The following DAP3 variants were observed in gnomAD, a reference collection of about 807,000 sequenced individuals.
DAP3 encodes the protein small ribosomal subunit protein mS29.
Under a neutral mutation model 51.9 loss-of-function variants are expected in DAP3, and 28 were observed. The observed-to-expected ratio is 0.54, with a 90% CI of 0.40 to 0.74. The LOEUF is 0.74. DAP3 is among the 30% of genes least tolerant of loss of function. The pLI is 0.00. For synonymous variants in DAP3, 170 were observed against 170.3 expected, an observed-to-expected ratio of 1.00 and a Z score of 0.01; for missense variants, 458 against 483.5, an observed-to-expected ratio of 0.95 and a Z score of 0.49.
chr1:155,706,814 C>T (rs528910523), intron 1 of DAP3, among the ~76,000 whole-genome samples: 15 of 151,162 alleles, frequency 9.9e-5, no homozygotes, highest in East Asian at 3.9e-4. Context: ...CCAAGGGGGC[C>T]GGGTGTGGTA....
Position 155,696,225 on chromosome 1 carries a change from G to A in DAP3, c.-8+7051G>A, listed in dbSNP as rs552545202. 4.6e-5 allele frequency among the ~76,000 whole-genome samples: 7 copies of A among 151,850 alleles called. No homozygotes were observed. In the South Asian group the frequency reaches 1.5e-3, roughly 32 times the overall value. On this transcript the variant is annotated intron_variant, in intron 1 of 12. Coordinates refer to ENST00000368336, the MANE Select transcript of DAP3 (RefSeq NM_004632.4). ...ACCCTCATTGAGGAGTGTGAAGTAG[G>A]GAACACAATGAATTGAAAAGGCAAG...
intron 1 of DAP3, among the ~76,000 whole-genome samples, chr1:155,707,507 A>G (rs1656153455): frequency 6.6e-6 from 1 of 152,168 alleles, no homozygotes; most frequent in Non-Finnish European, 1.5e-5. Context: ...TGAGAGTTAC[A>G]TTTAAGTATT....
intron 1 of DAP3, among the ~76,000 whole-genome samples, chr1:155,697,790 C>T (rs1375017595): frequency 6.6e-6 from 1 of 152,156 alleles, no homozygotes; most frequent in Admixed American, 6.5e-5. Flanking sequence ...GACTAGAATT[C>T]GCCAGGCTGG....
rs1178975472 is a variant in DAP3, at chr1:155,727,664, C to T, written c.529C>T (p.Arg177Cys). Reference protein sequence around the residue: ...DLLQSSYNKQRFDQPLEASTW... With the variant: ...DLLQSSYNKQCFDQPLEASTW... ...TCTGCAGTCCAGCTACAACAAACAG[C>T]GCTTTGATCAACCTTTAGAGGCTTC... Residue 177 changes from arginine to cysteine, a missense_variant, in exon 7 of 13, where the codon CGC becomes TGC. Transcript: ENST00000368336. 9 of 1,613,572 alleles carry T rather than the reference C, an allele frequency of 5.6e-6. No individual in the cohort carries two copies. Among genetic ancestry groups the T allele is most frequent in the South Asian group, 2.2e-5 (2 of 91,046 alleles).
At chr1:155,728,967 C>A (rs1658909994) in intron 7 of DAP3, 75 bp from the exon 8 acceptor site, 7 of 1,474,758 alleles carry the variant, frequency 4.7e-6, no homozygotes, top group Non-Finnish European at 5.6e-6. Context: ...TAGCCTCCAA[C>A]CTTTTCAAGG....
chr1:155,706,656 A>G (rs567596078), intron 1 of DAP3, among the ~76,000 whole-genome samples: 1 of 152,066 alleles, frequency 6.6e-6, no homozygotes, highest in African/African-American at 2.4e-5. Flanking sequence ...AGTCCCAGCT[A>G]TTTAGGCAGC....
intron 1 of DAP3, among the ~76,000 whole-genome samples, chr1:155,701,986 C>T (rs1278563090): frequency 6.6e-6 from 1 of 150,760 alleles, no homozygotes. Context: ...ACTCATCAAC[C>T]CAAAGAACTG....
At chr1:155,725,317 A>C in intron 4 of DAP3, 65 bp from the exon 5 acceptor site, 4 of 1,423,336 alleles carry the variant, frequency 2.8e-6, no homozygotes, top group Non-Finnish European at 4.0e-6. Context: ...GGCAGAGTAT[A>C]TATACCACCC....
chr1:155,688,975 A>G (rs147058489), upstream of DAP3: 3 of 1,607,114 alleles, frequency 1.9e-6, no homozygotes, highest in African/African-American at 1.3e-5. Flanking sequence ...CTCCTCCTCC[A>G]TGGGACCGCG....
At chr1:155,722,205 A>C (rs1658093824) in intron 4 of DAP3, among the ~76,000 whole-genome samples, 1 of 152,048 alleles carries the variant, frequency 6.6e-6, no homozygotes, top group Admixed American at 6.6e-5. Context: ...CAGGAGTTCG[A>C]GACCAGTCTA....
chr1:155,729,458 G>C, intron 9 of DAP3, 92 bp downstream of exon 9: 9 of 1,471,180 alleles, frequency 6.1e-6, no homozygotes, highest in Non-Finnish European at 6.4e-6. Context: ...CATGCAATAT[G>C]TTTTCTTGCC....
chr1:155,698,255 G>A (rs1027090688), intron 1 of DAP3, among the ~76,000 whole-genome samples: 9 of 152,222 alleles, frequency 5.9e-5, no homozygotes, highest in African/African-American at 1.9e-4. Flanking sequence ...GAAATTATAA[G>A]AGTATTGATT....
At position 155,731,258 on chromosome 1, in the gene DAP3, C is replaced by G. The variant is rs949264882; in HGVS notation, c.844-98C>G. 5.8e-6 allele frequency: 7 copies of G among 1,212,366 alleles called. No homozygotes were observed. In the African/African-American group the frequency reaches 6.1e-5, roughly 11 times the overall value. The allele number at this position is 1,212,366 out of a possible 1,614,324, so 75.1% of individuals were successfully genotyped here. On this transcript the variant is annotated intron_variant, in intron 9 of 12. Coordinates refer to ENST00000368336, the MANE Select transcript of DAP3 (RefSeq NM_004632.4). Reference sequence around the variant, plus strand: ...CTCCAGCCTGGGCGACAGAGCGAGACTCTGTCAAAAAAAAAAAAAAATTGT... The same window carrying G: ...CTCCAGCCTGGGCGACAGAGCGAGAGTCTGTCAAAAAAAAAAAAAAATTGT...
intron 1 of DAP3, among the ~76,000 whole-genome samples, chr1:155,693,327 T>C (rs202143816): frequency 7.0e-6 from 1 of 142,080 alleles, no homozygotes; most frequent in East Asian, 1.9e-4. Context: ...GATACACAAA[T>C]TGAAGTCTCT....
chr1:155,720,180 C>A (rs748168356), intron 3 of DAP3, among the ~76,000 whole-genome samples: 4 of 151,468 alleles, frequency 2.6e-5, no homozygotes, highest in Non-Finnish European at 4.4e-5. Context: ...AAAAAATGAG[C>A]CAGGTGTAGT....
intron 1 of DAP3, among the ~76,000 whole-genome samples, chr1:155,707,446 CTAAT>C (rs888590666): frequency 6.6e-6 from 1 of 151,700 alleles, no homozygotes; most frequent in African/African-American, 2.4e-5. Context: ...CCAAAATGAA[CTAAT>C]TAATTACATA....
intron 1 of DAP3, among the ~76,000 whole-genome samples, chr1:155,691,158 C>T (rs1224760287): frequency 2.1e-5 from 3 of 142,070 alleles, no homozygotes; most frequent in Non-Finnish European, 4.4e-5. Flanking sequence ...CCACCTGCCT[C>T]AGCCTCCCAA....
chr1:155,731,418 A>G lies in DAP3; in HGVS notation c.903+3A>G, dbSNP rs41264965. 9,854 of 1,613,740 alleles carry G rather than the reference A, an allele frequency of 6.1e-3. 28 individuals carry two copies. The highest frequency in any genetic ancestry group is 7.7e-3 in the Non-Finnish European group (9,025 of 1,179,688). On this transcript the variant is annotated splice_donor_region_variant and intron_variant, in intron 10 of 12. Coordinates refer to ENST00000368336, the MANE Select transcript of DAP3 (RefSeq NM_004632.4). The stretch of plus-strand genomic sequence containing the variant: ...GGAAAATGATGAAAAATGATTGGGT[A>G]AGTGCATATGATACCTCACACATTT...
intron 1 of DAP3, among the ~76,000 whole-genome samples, chr1:155,706,671 G>A (rs1369980841): frequency 6.6e-6 from 1 of 151,928 alleles, no homozygotes; most frequent in East Asian, 1.9e-4. Flanking sequence ...GGCAGCTGAG[G>A]CAGGAGAATC....
Sources: allele counts gnomAD v4.1 joint callset (sites outside exome capture counted in the v4.1 genomes callset), GRCh38; gene constraint gnomAD v4.1.1; transcripts MANE v1.5; gene names NCBI Gene and HGNC (gene_info 2026-07-23, HGNC 2026-07-21).